PRTG: variants seen among roughly 807,000 people sequenced by gnomAD.
PRTG encodes protogenin.
A neutral mutation model predicts 122.5 loss-of-function variants in PRTG; 67 were observed. The observed-to-expected ratio is 0.55, with a 90% CI of 0.45 to 0.67. PRTG has a LOEUF of 0.67. Ranked by LOEUF, PRTG falls within the 30% of genes least tolerant of loss-of-function variation. PRTG has a pLI of 0.00. For synonymous variants in PRTG, 554 were observed against 501.1 expected, an observed-to-expected ratio of 1.11 and a Z score of -1.41; for missense variants, 1,435 against 1,415.4, an observed-to-expected ratio of 1.01 and a Z score of -0.22.
intron 2 of PRTG, among the ~76,000 whole-genome samples, chr15:55,736,881 T>C (rs1237389636): frequency 6.6e-6 from 1 of 152,212 alleles, no homozygotes; most frequent in Non-Finnish European, 1.5e-5. Flanking sequence ...GTTCAATCAC[T>C]AGCTTACAGC....
At chr15:55,649,046 G>A (rs1056910984) in intron 11 of PRTG, among the ~76,000 whole-genome samples, 3 of 150,000 alleles carry the variant, frequency 2.0e-5, no homozygotes, top group South Asian at 2.1e-4. Context: ...GCAGAGACCC[G>A]AGATCACGCC....
intron 11 of PRTG, among the ~76,000 whole-genome samples, chr15:55,646,329 T>C (rs937784425): frequency 1.1e-4 from 14 of 132,888 alleles, no homozygotes; most frequent in East Asian, 4.2e-4. Flanking sequence ...TCAATTCTCT[T>C]TTTTTTTTTT....
chr15:55,703,392 G>C (rs2029964513), intron 2 of PRTG, among the ~76,000 whole-genome samples: 1 of 152,080 alleles, frequency 6.6e-6, no homozygotes, highest in African/African-American at 2.4e-5. Flanking sequence ...TGTTCTGCTG[G>C]ACTGATGGAG....
chr15:55,742,698 G>A, intron 1 of PRTG, 140 bp downstream of exon 1: 3 of 1,017,146 alleles, frequency 2.9e-6, no homozygotes, highest in Non-Finnish European at 4.3e-6. Flanking sequence ...CGCAGGGCGA[G>A]AGCGGGGGCC....
intron 11 of PRTG, among the ~76,000 whole-genome samples, chr15:55,646,439 C>T (rs2059324315): frequency 1.3e-5 from 2 of 152,022 alleles, no homozygotes; most frequent in African/African-American, 4.8e-5. Flanking sequence ...TCTCCTGCCT[C>T]AGCCTCCCAA....
chr15:55,635,892 T>C (rs998163294), intron 15 of PRTG, among the ~76,000 whole-genome samples: 10 of 152,182 alleles, frequency 6.6e-5, no homozygotes, highest in Non-Finnish European at 4.4e-5. Context: ...CTGCCTGAAA[T>C]TCTTCTTCAG....
chr15:55,697,945 G>C (rs954978613), intron 2 of PRTG, among the ~76,000 whole-genome samples: 1 of 152,000 alleles, frequency 6.6e-6, no homozygotes, highest in Non-Finnish European at 1.5e-5. Context: ...CTATTATCTT[G>C]CTGGACATAA....
intron 11 of PRTG, among the ~76,000 whole-genome samples, chr15:55,652,477 C>T (rs1352427596): frequency 1.3e-5 from 2 of 152,172 alleles, no homozygotes; most frequent in African/African-American, 4.8e-5. Context: ...AACTGGAGAG[C>T]TCCTTGGTCT....
In PRTG at chr15:55,657,032, AC is replaced by A. The variant is rs1461810674; in HGVS notation, c.2041+15412del. 2.0e-5 allele frequency among the ~76,000 whole-genome samples: 3 copies of A among 152,220 alleles called. No individual in the cohort carries two copies. In the East Asian group the frequency reaches 5.8e-4, roughly 29 times the overall value. ...TCTTTTTAAATTCCCAATGAATCAT[AC>A]TAGAATGTCAATTTGTAAAATGTAC... On this transcript the variant is annotated intron_variant, in intron 11 of 19. Coordinates refer to ENST00000389286, the MANE Select transcript of PRTG (RefSeq NM_173814.6).
intron 17 of PRTG, among the ~76,000 whole-genome samples, chr15:55,625,751 G>A (rs575258409): frequency 1.1e-3 from 173 of 151,878 alleles, no homozygotes; most frequent in Admixed American, 3.0e-3. Context: ...AGCCTCCCGA[G>A]TAGCTGGGAT....
intron 11 of PRTG, among the ~76,000 whole-genome samples, chr15:55,666,562 A>G (rs2059440448): frequency 6.6e-6 from 1 of 152,242 alleles, no homozygotes; most frequent in Non-Finnish European, 1.5e-5. Flanking sequence ...ACTGAATATT[A>G]GAATCTGTGT....
At chr15:55,626,385 G>A (rs2059194856) in intron 17 of PRTG, among the ~76,000 whole-genome samples, 1 of 151,574 alleles carries the variant, frequency 6.6e-6, no homozygotes, top group Non-Finnish European at 1.5e-5. Context: ...CTCCAGCCTG[G>A]GCGACAGAAT....
intron 2 of PRTG, among the ~76,000 whole-genome samples, chr15:55,738,021 T>C (rs796333550): frequency 0.098 from 10,003 of 102,576 alleles, 1,035 homozygotes; most frequent in African/African-American, 0.27. Flanking sequence ...TATATATATA[T>C]ATATACACAC....
intron 2 of PRTG, among the ~76,000 whole-genome samples, chr15:55,726,672 A>AAAAAGTATTTTCTCCAAACACAATGGAAT: frequency 6.6e-6 from 1 of 152,014 alleles, no homozygotes; most frequent in Middle Eastern, 3.4e-3. Flanking sequence ...TTAAAATTAT[A>AAAAAGTATTTTCTCCAAACACAATGGAAT]AAAAGTATTT....
At position 55,638,529 on chromosome 15, in the gene PRTG, T is replaced by C. The variant is rs780385820; in HGVS notation, c.2452+20A>G. On this transcript the variant is annotated intron_variant, in intron 14 of 19. Transcript: ENST00000389286. ...TAATTTTTTTTAAAGATAAAATCTA[T>C]AGGGAGCTGTTTTCTTTACCTTCTG... is the stretch of plus-strand genomic sequence containing the variant. The C allele has an allele frequency of 2.4e-5, 38 of 1,576,776 alleles. No individual in the cohort carries two copies. The South Asian group carries it at 3.4e-4, about 14-fold the overall frequency.
rs556047140 is a variant in PRTG, at chr15:55,729,584, G to A, written c.397+10798C>T. 8.6e-5 allele frequency among the ~76,000 whole-genome samples: 13 copies of A among 150,958 alleles called. No homozygotes were observed. The East Asian group carries it at 1.4e-3, about 16-fold the overall frequency. On this transcript the variant is annotated intron_variant, in intron 2 of 19. Transcript: ENST00000389286. ...CAGCCTGGGCATAGCAAGATTCTGC[G>A]GGGAAAAAAAATAAAATAAAATAAA...
chr15:55,699,710 C>A (rs1480518508), intron 2 of PRTG, among the ~76,000 whole-genome samples: 1 of 152,164 alleles, frequency 6.6e-6, no homozygotes, highest in African/African-American at 2.4e-5. Flanking sequence ...CCAGCAGACA[C>A]AATGCCTATG....
Position 55,612,227 on chromosome 15 carries a change from A to G in PRTG, c.*7785T>C, listed in dbSNP as rs988469149. On this transcript the variant is annotated 3_prime_UTR_variant, in exon 20 of 20. Coordinates refer to ENST00000389286, the MANE Select transcript of PRTG (RefSeq NM_173814.6). ...AAACAAAATAGATATCCAGAATGTG[A>G]TAACAGGAAACAGAATATTTCAAGG... 7 of 152,094 alleles carry G rather than the reference A, an allele frequency of 4.6e-5. No homozygotes were observed. Among genetic ancestry groups the G allele is most frequent in the South Asian group, 2.1e-4 (1 of 4,824 alleles). The allele number at this position is 152,094 out of a possible 1,614,324, so 9.4% of individuals were successfully genotyped here. A position where few individuals can be genotyped will look rare whatever the true frequency, so the allele number is the denominator to read the frequency against.
In PRTG at chr15:55,629,288, C is replaced by T. The variant is rs904202304; in HGVS notation, c.2624-284G>A. Reference sequence around the variant, plus strand: ...CTTAACATTGTAGTATGTACATTTCCCCAATATAATCCTTTTCTGTAATTC... The same window carrying T: ...CTTAACATTGTAGTATGTACATTTCTCCAATATAATCCTTTTCTGTAATTC... On this transcript the variant is annotated intron_variant, in intron 15 of 19. Coordinates refer to ENST00000389286, the MANE Select transcript of PRTG (RefSeq NM_173814.6). Among the ~76,000 whole-genome samples, 4 of 151,108 alleles carry T rather than the reference C, an allele frequency of 2.6e-5. 1 individual carries two copies. Among genetic ancestry groups the T allele is most frequent in the Admixed American group, 2.6e-4 (4 of 15,114 alleles).
Sources: gnomAD v4.1 joint callset for allele counts (sites outside exome capture counted in the v4.1 genomes callset) on GRCh38, gnomAD v4.1.1 for gene constraint, MANE v1.5 for transcripts, NCBI Gene and HGNC (gene_info 2026-07-23, HGNC 2026-07-21) for gene names.